FOXO1: variants seen among roughly 807,000 people sequenced by gnomAD.
FOXO1 encodes the protein forkhead box O1.
A neutral mutation model predicts 44.1 loss-of-function variants in FOXO1; 6 were observed. The ratio of observed to expected loss-of-function variants is 0.14; its 90% CI spans 0.07 to 0.27. The LOEUF (loss-of-function observed/expected upper bound fraction) is 0.27. Among genes scored for constraint, FOXO1 ranks in the 10% least tolerant of loss-of-function variants. FOXO1 has a pLI of 1.00. For synonymous variants in FOXO1, 380 were observed against 362.7 expected, an observed-to-expected ratio of 1.05 and a Z score of -0.54; for missense variants, 737 against 888.8, an observed-to-expected ratio of 0.83 and a Z score of 2.17.
At chr13:40,609,946 T>G (rs1308914242) in intron 1 of FOXO1, among the ~76,000 whole-genome samples, 1 of 152,042 alleles carries the variant, frequency 6.6e-6, no homozygotes, top group African/African-American at 2.4e-5. Flanking sequence ...AAACTCAAAA[T>G]ATTGTTTATT....
Position 40,569,242 on chromosome 13 carries a change from C to A in FOXO1, c.631-8382G>T, listed in dbSNP as rs969680717. Among the ~76,000 whole-genome samples the A allele has an allele frequency of 2.0e-4, 30 of 152,236 alleles. 1 individual carries two copies. Among genetic ancestry groups the A allele is most frequent in the Non-Finnish European group, 1.2e-4 (8 of 68,036 alleles). On this transcript the variant is annotated intron_variant, in intron 1 of 2. Transcript: ENST00000379561. ...AAGCTTCATGGACTTGGGAAGTACA[C>A]TGTGAGGCAGAACCGGAGGTGCCGG... is the stretch of plus-strand genomic sequence containing the variant.
chr13:40,601,026 A>G (rs1228514739), intron 1 of FOXO1, among the ~76,000 whole-genome samples: 1 of 152,194 alleles, frequency 6.6e-6, no homozygotes, highest in Non-Finnish European at 1.5e-5. Flanking sequence ...AGTCTGGGCT[A>G]TGACTGGTCT....
At chr13:40,602,919 T>C (rs1875861470) in intron 1 of FOXO1, among the ~76,000 whole-genome samples, 1 of 152,166 alleles carries the variant, frequency 6.6e-6, no homozygotes, top group Non-Finnish European at 1.5e-5. Context: ...ATAAAATTAG[T>C]AGAGTTCAAG....
intron 1 of FOXO1, among the ~76,000 whole-genome samples, chr13:40,577,165 CCCT>C (rs1874785651): frequency 7.3e-6 from 1 of 137,594 alleles, no homozygotes; most frequent in African/African-American, 2.6e-5. Context: ...ACCCACCCAC[CCCT>C]CCTCCTCAAT....
chr13:40,630,328 TG>T (rs1455404155), intron 1 of FOXO1, among the ~76,000 whole-genome samples: 1 of 152,088 alleles, frequency 6.6e-6, no homozygotes, highest in African/African-American at 2.4e-5. Flanking sequence ...TTCTTCTTTT[TG>T]TTCCCACTGA....
intron 1 of FOXO1, among the ~76,000 whole-genome samples, chr13:40,655,878 C>A (rs1381134374): frequency 1.3e-5 from 2 of 152,086 alleles, no homozygotes; most frequent in Non-Finnish European, 2.9e-5. Context: ...TTCCAGTGAT[C>A]TACCCACCTC....
At chr13:40,624,324 A>T (rs985730299) in intron 1 of FOXO1, among the ~76,000 whole-genome samples, 1 of 118,118 alleles carries the variant, frequency 8.5e-6, no homozygotes, top group African/African-American at 4.3e-5. Flanking sequence ...GCTTAAAAAA[A>T]AAAAAAAAAA....
At chr13:40,648,864 G>C (rs185581528) in intron 1 of FOXO1, among the ~76,000 whole-genome samples, 2 of 152,302 alleles carry the variant, frequency 1.3e-5, no homozygotes, top group African/African-American at 4.8e-5. Context: ...AGCCTACATG[G>C]ATATGCTGTC....
chr13:40,633,311 A>G (rs2137914814), intron 1 of FOXO1, among the ~76,000 whole-genome samples: 1 of 152,372 alleles, frequency 6.6e-6, no homozygotes, highest in South Asian at 2.1e-4. Flanking sequence ...AAAACTATAC[A>G]TGAATAATCA....
chr13:40,612,126 G>A (rs1178940150), intron 1 of FOXO1, among the ~76,000 whole-genome samples: 1 of 152,114 alleles, frequency 6.6e-6, no homozygotes, highest in African/African-American at 2.4e-5. Flanking sequence ...AGAGGGCTAG[G>A]TTTTGCCCTG....
intron 1 of FOXO1, among the ~76,000 whole-genome samples, chr13:40,646,238 G>T (rs1396568698): frequency 1.3e-5 from 2 of 152,086 alleles, no homozygotes; most frequent in Middle Eastern, 3.4e-3. Flanking sequence ...ATTATTTGAG[G>T]GGTGTGAAGG....
intron 1 of FOXO1, among the ~76,000 whole-genome samples, chr13:40,587,439 C>T (rs1260299829): frequency 6.6e-6 from 1 of 152,036 alleles, no homozygotes; most frequent in Admixed American, 6.6e-5. Context: ...TTTAAACTTC[C>T]CCTTCAAATA....
chr13:40,591,281 T>C (rs920025759), intron 1 of FOXO1, among the ~76,000 whole-genome samples: 5 of 152,096 alleles, frequency 3.3e-5, no homozygotes, highest in Non-Finnish European at 7.4e-5. Context: ...AGGGCAGCAG[T>C]GTTGAGTTTC....
chr13:40,611,119 A>G (rs1041236736), intron 1 of FOXO1: 1 of 442,772 alleles, frequency 2.3e-6, no homozygotes, highest in South Asian at 1.6e-5. Flanking sequence ...AGGCTGTAAA[A>G]CTCATCGTGA....
intron 1 of FOXO1, among the ~76,000 whole-genome samples, chr13:40,649,826 C>A (rs1877621980): frequency 6.6e-6 from 1 of 152,190 alleles, no homozygotes. Flanking sequence ...TTTTATTCCA[C>A]ATTCCCCACA....
chr13:40,609,328 CTTCT>C (rs1439091266), intron 1 of FOXO1, among the ~76,000 whole-genome samples: 1 of 151,922 alleles, frequency 6.6e-6, no homozygotes, highest in African/African-American at 2.4e-5. Context: ...TTTATTCTTC[CTTCT>C]GTTTTACAAA....
chr13:40,625,037 A>G (rs186498060), intron 1 of FOXO1, among the ~76,000 whole-genome samples: 2 of 152,380 alleles, frequency 1.3e-5, no homozygotes, highest in Admixed American at 1.3e-4. Context: ...GTAAGTCAGT[A>G]GAAATGAAAG....
chr13:40,595,133 T>G (rs1593392755), intron 1 of FOXO1, among the ~76,000 whole-genome samples: 1 of 152,192 alleles, frequency 6.6e-6, no homozygotes, highest in East Asian at 1.9e-4. Flanking sequence ...CAGAAAAAAC[T>G]GAGATGGAGC....
Position 40,555,926 on chromosome 13 carries a change from C to T in FOXO1, c.*3123G>A, listed in dbSNP as rs1417025023. ...GGGTAGCGAAATGCAGGAGGCATGA[C>T]TACGTCCTGATGGGACTTACATGGC... On this transcript the variant is annotated 3_prime_UTR_variant, in exon 3 of 3. Coordinates refer to ENST00000379561, the MANE Select transcript of FOXO1 (RefSeq NM_002015.4). 1 of 152,654 alleles carries T rather than the reference C, an allele frequency of 6.6e-6. No homozygotes were observed. The highest frequency in any genetic ancestry group is 1.5e-5 in the Non-Finnish European group (1 of 68,052). 9.5% of individuals were successfully genotyped at this position (152,654 alleles called of 1,614,324 possible).
Sources: gnomAD v4.1 joint callset for allele counts (sites outside exome capture counted in the v4.1 genomes callset) on GRCh38, gnomAD v4.1.1 for gene constraint, MANE v1.5 for transcripts, NCBI Gene and HGNC (gene_info 2026-07-23, HGNC 2026-07-21) for gene names.